The following MSRA variants were observed in gnomAD, a reference collection of about 807,000 sequenced individuals.
MSRA encodes the protein mitochondrial peptide methionine sulfoxide reductase.
MSRA carries 54 observed loss-of-function variants against 31.3 expected under a neutral mutation model. The ratio of observed to expected loss-of-function variants is 1.73; its 90% CI spans 1.39 to 2.17. MSRA has a LOEUF of 2.17. MSRA is among the 30% of genes most tolerant of loss of function. MSRA has a pLI of 0.00. For synonymous variants in MSRA, 169 were observed against 116.5 expected, an observed-to-expected ratio of 1.45 and a Z score of -2.90; for missense variants, 507 against 300.9, an observed-to-expected ratio of 1.69 and a Z score of -5.07.
chr8:10,376,427 A>T (rs774689084), intron 5 of MSRA, among the ~76,000 whole-genome samples: 1 of 152,202 alleles, frequency 6.6e-6, no homozygotes, highest in African/African-American at 2.4e-5. Flanking sequence ...TCTTAAGGTC[A>T]TGGGCTCTGC....
At chr8:10,160,509 T>C (rs977031992) in intron 1 of MSRA, among the ~76,000 whole-genome samples, 1 of 150,966 alleles carries the variant, frequency 6.6e-6, no homozygotes, top group African/African-American at 2.4e-5. Flanking sequence ...AAAAAAAAAA[T>C]CTATATAGAT....
At chr8:10,266,100 A>C (rs573656755) in intron 3 of MSRA, among the ~76,000 whole-genome samples, 58 of 152,298 alleles carry the variant, frequency 3.8e-4, no homozygotes, top group African/African-American at 1.4e-3. Context: ...TTTCTCTTAC[A>C]TTAATACCTA....
chr8:10,215,397 G>T (rs1330371201), intron 2 of MSRA, among the ~76,000 whole-genome samples: 1 of 152,200 alleles, frequency 6.6e-6, no homozygotes. Flanking sequence ...GTCAGGAAAT[G>T]ATGCATTGGC....
intron 1 of MSRA, among the ~76,000 whole-genome samples, chr8:10,116,828 G>T (rs554488468): frequency 6.6e-6 from 1 of 152,152 alleles, no homozygotes; most frequent in Non-Finnish European, 1.5e-5. Flanking sequence ...GTAGTCGGGC[G>T]TGGTGGCAGA....
chr8:10,377,689 A>G (rs1013892309), intron 5 of MSRA, among the ~76,000 whole-genome samples: 1 of 152,218 alleles, frequency 6.6e-6, no homozygotes, highest in Non-Finnish European at 1.5e-5. Flanking sequence ...TGTCTTTCAC[A>G]GCACTGCAGC....
intron 5 of MSRA, among the ~76,000 whole-genome samples, chr8:10,342,130 T>C (rs1452392915): frequency 6.6e-6 from 1 of 152,204 alleles, no homozygotes; most frequent in African/African-American, 2.4e-5. Context: ...AGCAACACTT[T>C]TCATTCTTAA....
chr8:10,056,600 C>G (rs1479900242), intron 1 of MSRA, among the ~76,000 whole-genome samples: 1 of 147,060 alleles, frequency 6.8e-6, no homozygotes, highest in South Asian at 2.1e-4. Flanking sequence ...GTAACTTTTT[C>G]CACAAAAAGT....
chr8:10,064,665 C>T (rs1400620439), intron 1 of MSRA, among the ~76,000 whole-genome samples: 1 of 152,070 alleles, frequency 6.6e-6, no homozygotes, highest in South Asian at 2.1e-4. Context: ...GAAAGTAATA[C>T]TAGTGTTGAA....
chr8:10,312,656 A>G (rs1295073052), intron 4 of MSRA, among the ~76,000 whole-genome samples: 1 of 152,228 alleles, frequency 6.6e-6, no homozygotes, highest in Admixed American at 6.5e-5. Flanking sequence ...TACGCAAACT[A>G]TTAGCAAACT....
At chr8:10,114,070 G>C (rs931559680) in intron 1 of MSRA, among the ~76,000 whole-genome samples, 1 of 152,170 alleles carries the variant, frequency 6.6e-6, no homozygotes, top group East Asian at 1.9e-4. Context: ...AGGTGGTGCT[G>C]GTCATTGGCA....
intron 1 of MSRA, among the ~76,000 whole-genome samples, chr8:10,099,564 G>A (rs1357132116): frequency 2.0e-5 from 3 of 152,216 alleles, no homozygotes; most frequent in African/African-American, 7.2e-5. Flanking sequence ...AGTATTCATG[G>A]AAGAAATAAA....
intron 5 of MSRA, among the ~76,000 whole-genome samples, chr8:10,417,216 G>C (rs112891913): frequency 6.6e-6 from 1 of 152,108 alleles, no homozygotes; most frequent in Admixed American, 6.6e-5. Context: ...AGTGAGCTCC[G>C]ATGGGGGCTT....
intron 1 of MSRA, among the ~76,000 whole-genome samples, chr8:10,083,318 A>G (rs997767577): frequency 3.3e-5 from 5 of 152,226 alleles, no homozygotes; most frequent in Non-Finnish European, 5.9e-5. Context: ...TAATTGAGAG[A>G]CATTTCCATG....
At chr8:10,336,230 A>C (rs954051148) in intron 5 of MSRA, among the ~76,000 whole-genome samples, 2 of 152,206 alleles carry the variant, frequency 1.3e-5, no homozygotes, top group African/African-American at 4.8e-5. Flanking sequence ...ATCTTTTAAT[A>C]AAATAGCAAG....
At chr8:10,074,497 TG>T (rs1233958210) in intron 1 of MSRA, among the ~76,000 whole-genome samples, 1 of 152,302 alleles carries the variant, frequency 6.6e-6, no homozygotes, top group African/African-American at 2.4e-5. Context: ...TAAGTTTTTT[TG>T]ATCACTGAAA....
intron 5 of MSRA, among the ~76,000 whole-genome samples, chr8:10,396,953 C>A (rs4240645): frequency 3.3e-5 from 5 of 152,050 alleles, no homozygotes; most frequent in East Asian, 1.9e-4. Context: ...GCTTCCAAAC[C>A]GTGAACATTC....
At position 10,397,456 on chromosome 8, in the gene MSRA, C is replaced by A. The variant is rs140974465; in HGVS notation, c.544-30692C>A. Reference sequence around the variant, plus strand: ...TGGCAGAGGAAGAGGTCTGCAGAGCCCAGAACGAGTAGAGCTCTGGGGTAT... The same window carrying A: ...TGGCAGAGGAAGAGGTCTGCAGAGCACAGAACGAGTAGAGCTCTGGGGTAT... On this transcript the variant is annotated intron_variant, in intron 5 of 5. Coordinates refer to ENST00000317173, the MANE Select transcript of MSRA (RefSeq NM_012331.5). Among the ~76,000 whole-genome samples, 189 of 152,276 alleles carry A rather than the reference C, an allele frequency of 1.2e-3. 1 individual carries two copies. Among genetic ancestry groups the A allele is most frequent in the African/African-American group, 4.2e-3 (176 of 41,548 alleles).
At chr8:10,199,563 C>T (rs1172706546) in intron 1 of MSRA, among the ~76,000 whole-genome samples, 1 of 151,992 alleles carries the variant, frequency 6.6e-6, no homozygotes, top group Non-Finnish European at 1.5e-5. Context: ...CGTGATCTGC[C>T]CGCCAGTTTT....
At chr8:10,405,429 A>AT (rs1198990270) in intron 5 of MSRA, among the ~76,000 whole-genome samples, 3 of 152,204 alleles carry the variant, frequency 2.0e-5, no homozygotes, top group Non-Finnish European at 4.4e-5. Context: ...CTGTTCCATC[A>AT]TGGCAGAAGG....
Sources: gnomAD v4.1 joint callset for allele counts (sites outside exome capture counted in the v4.1 genomes callset) on GRCh38, gnomAD v4.1.1 for gene constraint, MANE v1.5 for transcripts, NCBI Gene and HGNC (gene_info 2026-07-23, HGNC 2026-07-21) for gene names.